IQCK: variants seen among roughly 807,000 people sequenced by gnomAD.
IQCK encodes IQ motif containing K.
In IQCK, 29 loss-of-function variants were observed where a neutral mutation model predicts 28.1. The ratio of observed to expected loss-of-function variants is 1.03; its 90% confidence interval spans 0.77 to 1.41. The LOEUF (loss-of-function observed/expected upper bound fraction) is 1.41, where lower values mean the gene tolerates loss of function less well. Among genes scored for constraint, IQCK ranks in the 40% most tolerant of loss-of-function variants. The pLI is 0.00. For synonymous variants in IQCK, 113 were observed against 115.1 expected, an observed-to-expected ratio of 0.98 and a Z score of 0.12; for missense variants, 359 against 314.7, an observed-to-expected ratio of 1.14 and a Z score of -1.07.
intron 4 of IQCK, among the ~76,000 whole-genome samples, chr16:19,760,612 T>G (rs1014125011): frequency 6.6e-6 from 1 of 152,164 alleles, no homozygotes; most frequent in Non-Finnish European, 1.5e-5. Flanking sequence ...CCCTTAACAC[T>G]CTGCCTTTCC....
At chr16:19,793,603 T>G (rs1414485304) in intron 7 of IQCK, among the ~76,000 whole-genome samples, 1 of 112,946 alleles carries the variant, frequency 8.9e-6, no homozygotes. Flanking sequence ...CCCACATTGA[T>G]CTACAGATTC....
intron 7 of IQCK, among the ~76,000 whole-genome samples, chr16:19,820,022 G>A (rs975897710): frequency 1.6e-4 from 24 of 152,158 alleles, no homozygotes; most frequent in African/African-American, 4.8e-4. Flanking sequence ...TGGCTCTGGG[G>A]CAACTTGATA....
chr16:19,783,674 C>T (rs532246027), intron 6 of IQCK, among the ~76,000 whole-genome samples: 3 of 152,266 alleles, frequency 2.0e-5, no homozygotes, highest in African/African-American at 7.2e-5. Context: ...GACTACTCTT[C>T]GAAGAGTAAG....
chr16:19,727,811 C>G (rs1218813818), intron 1 of IQCK, among the ~76,000 whole-genome samples: 1 of 151,946 alleles, frequency 6.6e-6, no homozygotes, highest in Non-Finnish European at 1.5e-5. Flanking sequence ...CAATGGTTCC[C>G]AAGGCAGCTG....
intron 4 of IQCK, among the ~76,000 whole-genome samples, chr16:19,739,318 G>A (rs1212169627): frequency 6.6e-6 from 1 of 152,214 alleles, no homozygotes; most frequent in African/African-American, 2.4e-5. Context: ...AGTCATGGTT[G>A]TCATATTGAA....
At position 19,825,540 on chromosome 16, in the gene IQCK, A is replaced by C. The variant is rs180822577; in HGVS notation, c.691-1486A>C. On this transcript the variant is annotated intron_variant, in intron 7 of 7. Coordinates refer to ENST00000564186, the Ensembl canonical transcript of IQCK. This position sits in a 1 kb window ranked among gnomAD's most constrained non-coding sequence, Gnocchi z 4.2. ...CATCTCAAAAAAAAAAAAATGTAAA[A>C]TATTTGGCCAGGCACAGTGGCTCTC... Among the ~76,000 whole-genome samples, 1 of 151,722 alleles carries C rather than the reference A, an allele frequency of 6.6e-6. No homozygotes were observed. Among genetic ancestry groups the C allele is most frequent in the African/African-American group, 2.4e-5 (1 of 41,418 alleles).
At chr16:19,740,993 C>CAAGCAGGATG (rs2054825966) in intron 4 of IQCK, among the ~76,000 whole-genome samples, 1 of 150,048 alleles carries the variant, frequency 6.7e-6, no homozygotes, top group South Asian at 2.1e-4. Flanking sequence ...AGAATATCTA[C>CAAGCAGGATG]AAGCAGGATG....
intron 4 of IQCK, among the ~76,000 whole-genome samples, chr16:19,750,897 A>C (rs921088273): frequency 6.6e-6 from 1 of 152,196 alleles, no homozygotes; most frequent in African/African-American, 2.4e-5. Context: ...GTCTGCGAGG[A>C]AGAGGTGGAC....
chr16:19,719,745 G>T (rs1339210524), intron 1 of IQCK, among the ~76,000 whole-genome samples: 6 of 149,308 alleles, frequency 4.0e-5, no homozygotes, highest in Non-Finnish European at 7.4e-5. Flanking sequence ...CACTGGCTGG[G>T]CTCACTGCAA....
rs1373304420 is a variant in IQCK, at chr16:19,730,753, CTATCTTATCT to C, written c.246+265_246+274del. On this transcript the variant is annotated intron_variant, in intron 2 of 7. Transcript: ENST00000564186. ...TCTGTCTGTCTGTCTGTCTATCTAT[CTATCTTATCT>C]TATCTATCTATCTACCTAATCTATT... 1.3e-4 allele frequency among the ~76,000 whole-genome samples: 16 copies of C among 123,048 alleles called. No homozygotes were observed. The East Asian group carries it at 1.9e-3, about 14-fold the overall frequency. The allele number at this position is 123,048 out of a possible 152,430, so 80.7% of individuals were successfully genotyped here.
chr16:19,741,146 A>G (rs1481249950), intron 4 of IQCK, among the ~76,000 whole-genome samples: 1 of 152,070 alleles, frequency 6.6e-6, no homozygotes, highest in South Asian at 2.1e-4. Context: ...ATAATGATGA[A>G]CTAAAGTTGT....
At chr16:19,822,912 A>G (rs1419443349) in intron 7 of IQCK, among the ~76,000 whole-genome samples, 2 of 152,180 alleles carry the variant, frequency 1.3e-5, no homozygotes, top group African/African-American at 4.8e-5. Flanking sequence ...ATAAAATTTC[A>G]GTGGAGGGAA....
At chr16:19,842,066 G>A (rs552326254) in intron 9 of IQCK, among the ~76,000 whole-genome samples, 47 of 152,096 alleles carry the variant, frequency 3.1e-4, no homozygotes, top group African/African-American at 1.1e-3. Context: ...GGCTGGTCTC[G>A]AACTCCTGAC....
At chr16:19,839,908 C>T (rs1050070265) in intron 9 of IQCK, among the ~76,000 whole-genome samples, 1 of 151,698 alleles carries the variant, frequency 6.6e-6, no homozygotes, top group East Asian at 1.9e-4. Flanking sequence ...AGCAGGAGGA[C>T]CTCTTAAAGC....
chr16:19,759,410 T>C (rs1170598568), intron 4 of IQCK, among the ~76,000 whole-genome samples: 1 of 152,152 alleles, frequency 6.6e-6, no homozygotes, highest in East Asian at 1.9e-4. Context: ...GGTTTTGCCA[T>C]GTTGGCCAGG....
intron 9 of IQCK, among the ~76,000 whole-genome samples, chr16:19,842,850 T>C (rs2056376707): frequency 1.3e-5 from 2 of 152,318 alleles, no homozygotes; most frequent in South Asian, 4.1e-4. Flanking sequence ...TGTAAATACA[T>C]TCAGGAGGAA....
intron 7 of IQCK, among the ~76,000 whole-genome samples, chr16:19,823,277 G>C (rs1256442520): frequency 6.6e-6 from 1 of 152,126 alleles, no homozygotes; most frequent in African/African-American, 2.4e-5. Context: ...CAGCAGAGTT[G>C]GGGAGCAGCC....
At chr16:19,761,598 A>G (rs1314451136) in intron 4 of IQCK, 5 of 277,802 alleles carry the variant, frequency 1.8e-5, no homozygotes, top group African/African-American at 2.2e-5. Flanking sequence ...CCCGATTTCC[A>G]TAACAATTCT....
chr16:19,855,572 CTCTG>C (rs1411702295), intron 9 of IQCK, among the ~76,000 whole-genome samples: 2 of 152,134 alleles, frequency 1.3e-5, no homozygotes, highest in Non-Finnish European at 2.9e-5. Context: ...ACAAGAGAGA[CTCTG>C]TCCCCAAAAA....
Sources: allele counts gnomAD v4.1 joint callset (sites outside exome capture counted in the v4.1 genomes callset), GRCh38; gene constraint gnomAD v4.1.1; non-coding constraint Gnocchi (gnomAD v3.1); transcripts MANE v1.5; gene names NCBI Gene and HGNC (gene_info 2026-07-23, HGNC 2026-07-21).